The following ROBO1 variants were observed in gnomAD, a reference collection of about 807,000 sequenced individuals.
ROBO1 encodes roundabout homolog 1.
Under a neutral mutation model 195.9 loss-of-function variants are expected in ROBO1, and 149 were observed. That is an observed-to-expected ratio of 0.76 (90% confidence interval 0.67 to 0.87). ROBO1 has a LOEUF of 0.87. ROBO1 is among the 40% of genes least tolerant of loss of function. The pLI is 0.00. For synonymous variants in ROBO1, 816 were observed against 733.2 expected (o/e 1.11, Z -1.82); for missense variants, 1,933 against 2,068.3 (o/e 0.93, Z 1.27).
At chr3:78,999,698 A>G (rs1187448896) in intron 3 of ROBO1, among the ~76,000 whole-genome samples, 1 of 152,142 alleles carries the variant, frequency 6.6e-6, no homozygotes, top group African/African-American at 2.4e-5. Flanking sequence ...ATCTAAAATA[A>G]AAGTTGAACA....
intron 14 of ROBO1, among the ~76,000 whole-genome samples, chr3:78,664,847 G>A (rs960933575): frequency 6.6e-6 from 1 of 152,064 alleles, no homozygotes; most frequent in Non-Finnish European, 1.5e-5. Flanking sequence ...ATTTTTGCAG[G>A]TGATTCCCCA....
At chr3:79,618,582 A>G (rs1335090149) in intron 1 of ROBO1, among the ~76,000 whole-genome samples, 1 of 152,018 alleles carries the variant, frequency 6.6e-6, no homozygotes, top group African/African-American at 2.4e-5. Context: ...TCCACTACTT[A>G]CCCAAATCCT....
intron 1 of ROBO1, among the ~76,000 whole-genome samples, chr3:79,736,956 T>C (rs1424149865): frequency 4.6e-5 from 7 of 152,220 alleles, no homozygotes; most frequent in African/African-American, 1.4e-4. Context: ...TTCAATAGAC[T>C]TCTTTGCTTC....
intron 3 of ROBO1, among the ~76,000 whole-genome samples, chr3:79,002,765 G>A (rs2077535338): frequency 1.3e-5 from 2 of 152,164 alleles, no homozygotes; most frequent in South Asian, 2.1e-4. Context: ...AATTAGTAGA[G>A]AAGGAAGTTG....
intron 8 of ROBO1, among the ~76,000 whole-genome samples, chr3:78,707,615 T>C (rs1043291155): frequency 1.3e-5 from 2 of 152,064 alleles, no homozygotes; most frequent in Admixed American, 6.6e-5. Flanking sequence ...AGAAGAAAAA[T>C]GGACAAGCTC....
chr3:79,057,005 C>T (rs968901397), intron 3 of ROBO1, among the ~76,000 whole-genome samples: 4 of 151,994 alleles, frequency 2.6e-5, no homozygotes, highest in African/African-American at 4.8e-5. Flanking sequence ...TTCAACATTC[C>T]GTACTGTGGC....
In ROBO1 at chr3:79,084,424, G is replaced by A. The variant is rs918532580; in HGVS notation, c.172+41032C>T. 3.9e-5 allele frequency among the ~76,000 whole-genome samples: 6 copies of A among 152,310 alleles called. 1 individual carries two copies. The South Asian group carries it at 1.2e-3, about 32-fold the overall frequency. On this transcript the variant is annotated intron_variant, in intron 3 of 30. Transcript: ENST00000464233. Reference sequence around the variant, plus strand: ...GAGGCAGGAGAATAGCATGAACCCAGGAGGCAGAGGTTGCAGTGAGCCGAG... The same window carrying A: ...GAGGCAGGAGAATAGCATGAACCCAAGAGGCAGAGGTTGCAGTGAGCCGAG...
At chr3:79,455,389 T>G (rs1238724145) in intron 2 of ROBO1, among the ~76,000 whole-genome samples, 1 of 152,106 alleles carries the variant, frequency 6.6e-6, no homozygotes, top group African/African-American at 2.4e-5. Flanking sequence ...AAATTTGCCT[T>G]TTTTTAAAAA....
At chr3:78,709,535 T>C (rs1263888659) in intron 8 of ROBO1, among the ~76,000 whole-genome samples, 1 of 152,206 alleles carries the variant, frequency 6.6e-6, no homozygotes, top group Non-Finnish European at 1.5e-5. Context: ...ATCAATATCT[T>C]ATTTGATTCA....
chr3:78,861,787 T>C (rs186055097), intron 4 of ROBO1, among the ~76,000 whole-genome samples: 421 of 152,342 alleles, frequency 2.8e-3, no homozygotes, highest in Non-Finnish European at 4.8e-3. Context: ...TGAAATCCCT[T>C]ATATCTAGAA....
At chr3:79,483,128 AT>A (rs1254070074) in intron 2 of ROBO1, among the ~76,000 whole-genome samples, 1 of 152,206 alleles carries the variant, frequency 6.6e-6, no homozygotes, top group Non-Finnish European at 1.5e-5. Flanking sequence ...ACCAATATTT[AT>A]TTTTTTATGT....
chr3:79,149,543 GT>G (rs557682879), intron 2 of ROBO1, among the ~76,000 whole-genome samples: 1 of 147,520 alleles, frequency 6.8e-6, no homozygotes, highest in South Asian at 2.1e-4. Context: ...TGTTGTTGTT[GT>G]TTTTGTCTTT....
chr3:78,869,246 C>A (rs895498028), intron 4 of ROBO1, among the ~76,000 whole-genome samples: 3 of 151,898 alleles, frequency 2.0e-5, no homozygotes, highest in African/African-American at 7.3e-5. Context: ...ATCAACTTAC[C>A]CAGTAATTAA....
intron 1 of ROBO1, among the ~76,000 whole-genome samples, chr3:79,682,818 C>T (rs1417782997): frequency 6.6e-6 from 1 of 151,914 alleles, no homozygotes; most frequent in Non-Finnish European, 1.5e-5. Context: ...AGGATCACTT[C>T]AAAATGTTCA....
At chr3:79,197,775 T>C (rs2081667703) in intron 2 of ROBO1, among the ~76,000 whole-genome samples, 1 of 152,162 alleles carries the variant, frequency 6.6e-6, no homozygotes, top group African/African-American at 2.4e-5. Context: ...TGATTTGCAT[T>C]TCTCTAATGA....
chr3:79,479,988 A>T (rs1005352384), intron 2 of ROBO1, among the ~76,000 whole-genome samples: 1 of 152,198 alleles, frequency 6.6e-6, no homozygotes, highest in Non-Finnish European at 1.5e-5. Context: ...AGTCATTTTG[A>T]CTACTTTGAC....
chr3:79,619,880 A>C lies in ROBO1; in HGVS notation c.-50-29919T>G, dbSNP rs542908734. Among the ~76,000 whole-genome samples the C allele has an allele frequency of 4.6e-5, 7 of 152,260 alleles. No individual in the cohort carries two copies. In the South Asian group the frequency reaches 1.5e-3, roughly 32 times the overall value. On this transcript the variant is annotated intron_variant, in intron 1 of 30. Coordinates refer to ENST00000464233, the MANE Select transcript of ROBO1 (RefSeq NM_002941.4). The stretch of plus-strand genomic sequence containing the variant: ...TCCAAAAATTGGATTCCAGCCCTCA[A>C]ACCCCACAACAGGACTTAATTAACC...
chr3:79,469,701 C>T (rs1423330662), intron 2 of ROBO1, among the ~76,000 whole-genome samples: 2 of 152,022 alleles, frequency 1.3e-5, no homozygotes, highest in Non-Finnish European at 2.9e-5. Flanking sequence ...AACATACAAC[C>T]AACACTAAGA....
intron 8 of ROBO1, among the ~76,000 whole-genome samples, chr3:78,706,932 T>C (rs907223654): frequency 6.6e-6 from 1 of 152,008 alleles, no homozygotes; most frequent in African/African-American, 2.4e-5. Context: ...TGCCAACAAG[T>C]CAAATAAAGA....
Sources: allele counts gnomAD v4.1 joint callset (sites outside exome capture counted in the v4.1 genomes callset), GRCh38; gene constraint gnomAD v4.1.1; transcripts MANE v1.5; gene names NCBI Gene and HGNC (gene_info 2026-07-23, HGNC 2026-07-21).